Variants in TET2 observed in about 807,000 individuals in gnomAD.
TET2 encodes methylcytosine dioxygenase TET2.
TET2 carries 299 observed loss-of-function variants against 142.9 expected under a neutral mutation model. That is an observed-to-expected ratio of 2.09 (90% CI 1.90 to 2.30). The LOEUF is 2.30. Among genes scored for constraint, TET2 ranks in the 30% most tolerant of loss-of-function variants. The probability of loss-of-function intolerance (pLI) is 0.00; values close to 1 mark genes in which losing one functional copy is unlikely to be tolerated. For synonymous variants in TET2, 819 were observed against 849.0 expected (o/e 0.96, Z 0.61); for missense variants, 2,418 against 2,378.0 (o/e 1.02, Z -0.35).
In TET2 at chr4:105,233,912, C is replaced by T. The variant is rs562800316; in HGVS notation, c.-31C>T. 5.1e-5 allele frequency: 80 copies of T among 1,574,750 alleles called. No homozygotes were observed. In the South Asian group the frequency reaches 8.8e-4, roughly 17 times the overall value. On this transcript the variant is annotated 5_prime_UTR_variant, in exon 3 of 11. Coordinates refer to ENST00000380013, the MANE Select transcript of TET2 (RefSeq NM_001127208.3). ...TGCTCTTTAGAATTCAACTAGAGGG[C>T]AGCCTTGTGGATGGCCCCGAAGCAA...
intron 1 of TET2, among the ~76,000 whole-genome samples, chr4:105,166,328 C>G (rs1438146291): frequency 1.3e-5 from 2 of 151,970 alleles, no homozygotes; most frequent in Non-Finnish European, 2.9e-5. Flanking sequence ...CACATTTGGA[C>G]TTAGATTTTC....
At chr4:105,199,840 C>T (rs974845065) in intron 2 of TET2, among the ~76,000 whole-genome samples, 6 of 152,146 alleles carry the variant, frequency 3.9e-5, no homozygotes, top group East Asian at 1.9e-4. Context: ...TGGCCTCCAG[C>T]TCCATCCATG....
Position 105,250,380 on chromosome 4 carries a change from A to ATTTTTTTTTTTTT in TET2, c.3803+6621_3803+6633dup, listed in dbSNP as rs59695275. Among the ~76,000 whole-genome samples the ATTTTTTTTTTTTT allele has an allele frequency of 1.2e-4, 7 of 60,318 alleles. 1 individual carries two copies. Among genetic ancestry groups the ATTTTTTTTTTTTT allele is most frequent in the Non-Finnish European group, 1.1e-4 (4 of 35,778 alleles). 39.6% of individuals were successfully genotyped at this position (60,318 alleles called of 152,430 possible). A position where few individuals can be genotyped will look rare whatever the true frequency, so the allele number is the denominator to read the frequency against. On this transcript the variant is annotated intron_variant, in intron 6 of 10. Transcript: ENST00000380013. ...ATCAGCTTCTCCGTTTCCTTTCTGGATTTTTTTTTTTTTTTTTTTTTTTTT... is the reference window on the plus strand; with the variant it reads ...ATCAGCTTCTCCGTTTCCTTTCTGGATTTTTTTTTTTTTTTTTTTTTTTTTTTTTTTTTTTTTT...
At chr4:105,269,568 A>C in intron 8 of TET2, 42 bp from the exon 9 acceptor site, 1 of 1,547,404 alleles carries the variant, frequency 6.5e-7, no homozygotes. Flanking sequence ...TGTAAGAGTA[A>C]AACTAACTAC....
At chr4:105,274,246 A>G (rs1731090657) in intron 10 of TET2, among the ~76,000 whole-genome samples, 1 of 152,174 alleles carries the variant, frequency 6.6e-6, no homozygotes, top group South Asian at 2.1e-4. Flanking sequence ...AGTTTCATCT[A>G]TTTGTTCTTA....
intron 6 of TET2, among the ~76,000 whole-genome samples, chr4:105,251,708 G>A (rs1037730887): frequency 2.6e-5 from 4 of 152,012 alleles, no homozygotes; most frequent in African/African-American, 9.7e-5. Flanking sequence ...GATATCTTTG[G>A]TTTTGGTGTC....
Position 105,259,683 on chromosome 4 carries a change from T to TCATGGAG in TET2, c.3873_3879dup (p.Tyr1294GlufsTer8). ...TGGTGCCTCCTTCTCTTTTGGTTGTTCATGGAGCATGTACTACAATGGATG... is the reference window on the plus strand; with the variant it reads ...TGGTGCCTCCTTCTCTTTTGGTTGTTCATGGAGCATGGAGCATGTACTACAATGGATG... On this transcript the variant is annotated frameshift_variant, in exon 7 of 11. Coordinates refer to ENST00000380013, the MANE Select transcript of TET2 (RefSeq NM_001127208.3). LOFTEE classifies it high-confidence loss of function. 6.4e-7 allele frequency: 1 copy of TCATGGAG among 1,551,190 alleles called. No individual in the cohort carries two copies. The highest frequency in any genetic ancestry group is 8.7e-7 in the Non-Finnish European group (1 of 1,146,598).
rs2110256082 is a variant in TET2, at chr4:105,243,766, C to G, written c.3791C>G (p.Ala1264Gly). The change falls in exon 6 of 11, where the codon GCC (alanine) becomes GGC (glycine). Residue 1264 changes from alanine (A) to glycine (G), a missense_variant. Physicochemically the swap from Ala to Gly is moderately conservative, Grantham distance 60. Transcript: ENST00000380013. ...KYGTLTNRRCALNEERTCACQ... is the reference protein window; with the variant it reads ...KYGTLTNRRCGLNEERTCACQ... ...GGCACGCTCACCAATCGCCGGTGTG[C>G]CTTGAATGAAGAGTAAGTGAAGCCC... 1 of 1,551,362 alleles carries G rather than the reference C, an allele frequency of 6.4e-7. No homozygotes were observed. Among genetic ancestry groups the G allele is most frequent in the Non-Finnish European group, 8.7e-7 (1 of 1,146,832 alleles).
chr4:105,257,100 A>G (rs1220406937), intron 6 of TET2, among the ~76,000 whole-genome samples: 1 of 152,140 alleles, frequency 6.6e-6, no homozygotes, highest in Non-Finnish European at 1.5e-5. Context: ...TATAGGGGCC[A>G]TACTTTGTTT....
In TET2 at chr4:105,234,229, G is replaced by A. The variant is rs1238868376; in HGVS notation, c.287G>A (p.Arg96His). Residue 96 changes from arginine to histidine, a missense_variant, in exon 3 of 11, where the codon CGC becomes CAC. Transcript: ENST00000380013. ...SKCLQNGGIK[R>H]TVSEPSLSGL... ...TGTTTGCAAAATGGAGGAATAAAAC[G>A]CACAGTTAGTGAACCTTCTCTCTCT... The A allele has an allele frequency of 1.9e-6, 3 of 1,614,090 alleles. No individual in the cohort carries two copies. The highest frequency in any genetic ancestry group is 2.5e-6 in the Non-Finnish European group (3 of 1,180,008).
chr4:105,186,473 CTTTTTTTTTT>C (rs1224419124), intron 1 of TET2, among the ~76,000 whole-genome samples: 4 of 115,090 alleles, frequency 3.5e-5, no homozygotes, highest in South Asian at 5.5e-4. Flanking sequence ...TTTGCATTTT[CTTTTTTTTTT>C]TTTTTTTTTT....
At chr4:105,206,015 G>T (rs1391521828) in intron 2 of TET2, among the ~76,000 whole-genome samples, 1 of 152,080 alleles carries the variant, frequency 6.6e-6, no homozygotes, top group Non-Finnish European at 1.5e-5. Context: ...AAAAGATCAG[G>T]TCATGCCCAC....
Position 105,235,174 on chromosome 4 carries a change from C to G in TET2, c.1232C>G (p.Pro411Arg). The G allele has an allele frequency of 6.2e-7, 1 of 1,614,056 alleles. No homozygotes were observed. The stretch of plus-strand genomic sequence containing the variant: ...CAATTGCTTCTTTCTCCCCCTCCTC[C>G]TCTTCCACAGGTTCCTCAGCTTCCT... ...PSQLLLSPPP[P>R]LPQVPQLPSE... The change falls in exon 3 of 11, where the codon CCT (proline) becomes CGT (arginine). Residue 411 changes from proline to arginine, a missense_variant. Coordinates refer to ENST00000380013, the MANE Select transcript of TET2 (RefSeq NM_001127208.3).
At chr4:105,220,564 T>A (rs1035150500) in intron 2 of TET2, among the ~76,000 whole-genome samples, 1 of 152,086 alleles carries the variant, frequency 6.6e-6, no homozygotes, top group Non-Finnish European at 1.5e-5. Context: ...TGAGCACCAG[T>A]GCCTAGGAGA....
intron 2 of TET2, among the ~76,000 whole-genome samples, chr4:105,232,232 G>T (rs1578664889): frequency 6.6e-6 from 1 of 152,308 alleles, no homozygotes; most frequent in East Asian, 1.9e-4. Flanking sequence ...ATTCCATGGT[G>T]TATATGTAAC....
chr4:105,250,605 A>G (rs899476005), intron 6 of TET2, among the ~76,000 whole-genome samples: 15 of 151,822 alleles, frequency 9.9e-5, no homozygotes, highest in African/African-American at 3.6e-4. Context: ...TTAACATTAA[A>G]GCTTCCAATT....
intron 3 of TET2, chr4:105,238,672 C>T (rs1302250013): frequency 4.1e-6 from 1 of 243,436 alleles, no homozygotes; most frequent in Non-Finnish European, 8.7e-6. Context: ...ACATCTCCCT[C>T]ATCTGCAGTG....
rs754021481 is a variant in TET2, at chr4:105,235,731, T to C, written c.1789T>C (p.Ser597Pro). 3 of 1,614,046 alleles carry C rather than the reference T, an allele frequency of 1.9e-6. No individual in the cohort carries two copies. The highest frequency in any genetic ancestry group is 1.6e-4 in the Middle Eastern group (1 of 6,062). The stretch of plus-strand genomic sequence containing the variant: ...AATTCTTCAGTATCAACCCAATCTC[T>C]CCAATCAAATGACCTCCAAACAATA... Reference protein sequence around the residue: ...PSILQYQPNLSNQMTSKQYTG... With the variant: ...PSILQYQPNLPNQMTSKQYTG... The change falls in exon 3 of 11, where the codon TCC becomes CCC. Residue 597 changes from serine to proline, a missense_variant. By Grantham distance (74) the Ser-to-Pro change is moderately conservative. Transcript: ENST00000380013.
chr4:105,178,161 A>G (rs1724910888), intron 1 of TET2: 1 of 152,206 alleles, frequency 6.6e-6, no homozygotes, highest in Non-Finnish European at 1.5e-5. Flanking sequence ...ATTGTTTAAC[A>G]GCTTTACATA....
Sources: gnomAD v4.1 joint callset for allele counts (sites outside exome capture counted in the v4.1 genomes callset) on GRCh38, gnomAD v4.1.1 for gene constraint, MANE v1.5 for transcripts, NCBI Gene and HGNC (gene_info 2026-07-23, HGNC 2026-07-21) for gene names.